DNAH3: variants seen among roughly 807,000 people sequenced by gnomAD.
DNAH3 encodes axonemal beta dynein heavy chain 3.
Under a neutral mutation model 432.5 loss-of-function variants are expected in DNAH3, and 332 were observed. The observed-to-expected ratio is 0.77, with a 90% CI of 0.70 to 0.84. The LOEUF is 0.84. Among genes scored for constraint, DNAH3 ranks in the 40% least tolerant of loss-of-function variants. The pLI, the probability that DNAH3 is intolerant of heterozygous loss-of-function variation, is 0.00. For missense variants in DNAH3, 4,861 were observed against 5,114.0 expected (o/e 0.95, Z 1.51); for synonymous variants, 1,956 against 1,900.2 (o/e 1.03, Z -0.76).
chr16:21,099,306 T>A (rs1409621566), intron 16 of DNAH3, among the ~76,000 whole-genome samples: 2 of 151,170 alleles, frequency 1.3e-5, no homozygotes, highest in Admixed American at 6.6e-5. Context: ...GGATGGATGG[T>A]TGGATGAATG....
At chr16:21,111,438 T>C (rs1042185832) in intron 14 of DNAH3, among the ~76,000 whole-genome samples, 188 bp downstream of exon 14, 1 of 152,120 alleles carries the variant, frequency 6.6e-6, no homozygotes, top group African/African-American at 2.4e-5. Context: ...CCAACCCCCA[T>C]GTCGCTTTCT....
At chr16:21,105,105 G>A (rs945048228) in intron 15 of DNAH3, among the ~76,000 whole-genome samples, 1 of 152,056 alleles carries the variant, frequency 6.6e-6, no homozygotes, top group Non-Finnish European at 1.5e-5. Context: ...GGTTTCCTTT[G>A]TGAATTTCGG....
intron 46 of DNAH3, 85 bp downstream of exon 46, chr16:20,987,608 A>T (rs2086261335): frequency 6.4e-7 from 1 of 1,562,830 alleles, no homozygotes; most frequent in Non-Finnish European, 8.7e-7. Context: ...GCCTAATAAA[A>T]GTTAGCTATT....
chr16:20,961,478 A>AG (rs2084814908), intron 53 of DNAH3, among the ~76,000 whole-genome samples: 1 of 152,098 alleles, frequency 6.6e-6, no homozygotes, highest in Non-Finnish European at 1.5e-5. Flanking sequence ...CATGTACCCT[A>AG]GAACGTAAAG....
intron 38 of DNAH3, 33 bp from the exon 39 acceptor site, chr16:21,024,734 G>A (rs762125488): frequency 7.6e-5 from 115 of 1,517,464 alleles, no homozygotes; most frequent in Non-Finnish European, 9.8e-5. Context: ...TTAGGTGCTC[G>A]CTTCTTTGTT....
At chr16:20,987,583 T>TA in intron 46 of DNAH3, 110 bp downstream of exon 46, 1 of 1,526,574 alleles carries the variant, frequency 6.6e-7, no homozygotes, top group Non-Finnish European at 8.9e-7. Context: ...GCACAATGCC[T>TA]AGCATAGACT....
At chr16:20,985,924 C>T (rs527752188) in intron 47 of DNAH3, among the ~76,000 whole-genome samples, 36 of 151,806 alleles carry the variant, frequency 2.4e-4, no homozygotes, top group African/African-American at 6.3e-4. Context: ...GGTGTGATCT[C>T]GGTTCACTGC....
chr16:21,096,132 T>C (rs2091671245), intron 18 of DNAH3, among the ~76,000 whole-genome samples: 1 of 129,500 alleles, frequency 7.7e-6, no homozygotes, highest in African/African-American at 2.7e-5. Flanking sequence ...TAAGGGTCTC[T>C]GATTTTTTTT....
chr16:21,010,899 TTTG>T (rs1322587474), intron 41 of DNAH3, among the ~76,000 whole-genome samples: 1 of 151,072 alleles, frequency 6.6e-6, no homozygotes, highest in Non-Finnish European at 1.5e-5. Context: ...TTTTTTTTTT[TTTG>T]TTTTTTTTTG....
intron 44 of DNAH3, 67 bp downstream of exon 44, chr16:20,997,216 T>C: frequency 1.9e-6 from 3 of 1,541,798 alleles, no homozygotes; most frequent in Non-Finnish European, 2.6e-6. Flanking sequence ...CAACCCACCT[T>C]TCATAAAGGT....
chr16:21,104,984 A>G (rs2091914264), intron 15 of DNAH3, among the ~76,000 whole-genome samples: 1 of 152,158 alleles, frequency 6.6e-6, no homozygotes, highest in Non-Finnish European at 1.5e-5. Flanking sequence ...AGTTCAAACT[A>G]TTTCACTTCA....
exon 60 of DNAH3, chr16:20,936,692 C>T: frequency 6.2e-7 from 1 of 1,607,452 alleles, no homozygotes; most frequent in Non-Finnish European, 8.5e-7. Flanking sequence ...CACGTAGCCC[C>T]CCAGAGGCTT....
Position 20,961,764 on chromosome 16 carries a change from T to G in DNAH3, c.10600+1520A>C, listed in dbSNP as rs1466698474. On this transcript the variant is annotated intron_variant, in intron 53 of 61. Coordinates refer to ENST00000261383, the Ensembl canonical transcript of DNAH3. ...TGAGAAAATAAATTTCTGGTTTTTT[T>G]TTTTTTTTTTTTTTTGAGATGGAGT... Among the ~76,000 whole-genome samples, 100 of 147,534 alleles carry G rather than the reference T, an allele frequency of 6.8e-4. 2 individuals carry two copies. Among genetic ancestry groups the G allele is most frequent in the East Asian group, 5.5e-3 (28 of 5,064 alleles).
At chr16:21,025,727 G>C (rs974358317) in intron 38 of DNAH3, among the ~76,000 whole-genome samples, 5 of 151,658 alleles carry the variant, frequency 3.3e-5, no homozygotes, top group Non-Finnish European at 7.4e-5. Flanking sequence ...CTCTTTTGTT[G>C]TTGTTGTTGT....
intron 44 of DNAH3, among the ~76,000 whole-genome samples, chr16:20,989,075 C>G (rs1233936582): frequency 6.6e-6 from 1 of 152,196 alleles, no homozygotes; most frequent in Non-Finnish European, 1.5e-5. Context: ...AGCGAAAGAA[C>G]AAAGCTTCCA....
In DNAH3 at chr16:21,042,396, C is replaced by CGT. The variant is rs377160556; in HGVS notation, c.4462-195_4462-194dup. On this transcript the variant is annotated intron_variant, in intron 31 of 61. Coordinates refer to ENST00000261383, the Ensembl canonical transcript of DNAH3. ...ATAGGTTTGTGCATGTGTGCATGTG[C>CGT]GTGTGTGTGTGTGTTAATAGTTTCC... 4.6e-5 allele frequency among the ~76,000 whole-genome samples: 7 copies of CGT among 151,754 alleles called. No individual in the cohort carries two copies. The South Asian group carries it at 6.3e-4, about 14-fold the overall frequency.
chr16:20,965,073 C>T, exon 53 of DNAH3: 1 of 1,614,132 alleles, frequency 6.2e-7, no homozygotes, highest in Non-Finnish European at 8.5e-7. Context: ...CATTCAGGGC[C>T]TGGAGCCGAT....
rs1210226510 is a variant in DNAH3, at chr16:20,976,278, T to C, written c.8077-863A>G. On this transcript the variant is annotated intron_variant, in intron 50 of 61. Transcript: ENST00000261383. ...TGAGATCTCAGCTCAATGCAACCTC[T>C]GCCTCCTGGGTTCAAGCAATTCTCC... Among the ~76,000 whole-genome samples, 7 of 151,442 alleles carry C rather than the reference T, an allele frequency of 4.6e-5. 1 individual carries two copies. Among genetic ancestry groups the C allele is most frequent in the Non-Finnish European group, 1.0e-4 (7 of 67,780 alleles).
chr16:21,143,947 A>C (rs1441115206), intron 3 of DNAH3, among the ~76,000 whole-genome samples: 1 of 152,190 alleles, frequency 6.6e-6, no homozygotes, highest in Admixed American at 6.5e-5. Flanking sequence ...AAATTAGTAA[A>C]TTGGAAGATG....
Sources: gnomAD v4.1 joint callset for allele counts (sites outside exome capture counted in the v4.1 genomes callset) on GRCh38, gnomAD v4.1.1 for gene constraint, MANE v1.5 for transcripts, NCBI Gene and HGNC (gene_info 2026-07-23, HGNC 2026-07-21) for gene names.